IMMP2L: variants seen among roughly 807,000 people sequenced by gnomAD.
The protein encoded by IMMP2L is inner mitochondrial membrane peptidase subunit 2, also known as mitochondrial inner membrane protease subunit 2.
Under a neutral mutation model 19.3 loss-of-function variants are expected in IMMP2L, and 18 were observed. The ratio of observed to expected loss-of-function variants is 0.93; its 90% CI spans 0.64 to 1.38. The LOEUF (loss-of-function observed/expected upper bound fraction) is 1.38. Ranked by LOEUF, IMMP2L falls within the 40% of genes most tolerant of loss-of-function variation. IMMP2L has a pLI of 0.00. For missense variants in IMMP2L, 233 were observed against 218.2 expected (o/e 1.07, Z -0.43); for synonymous variants, 76 against 73.0 (o/e 1.04, Z -0.21).
chr7:110,797,103 T>C (rs560037392), intron 5 of IMMP2L, among the ~76,000 whole-genome samples: 2 of 152,092 alleles, frequency 1.3e-5, no homozygotes, highest in African/African-American at 4.8e-5. Flanking sequence ...GGAACTTTGA[T>C]TCTCAATTTA....
rs140959088 is a variant in IMMP2L at position 111,020,201 on chromosome 7, T to A, written c.240-56636A>T. Among the ~76,000 whole-genome samples the A allele has an allele frequency of 4.6e-3, 693 of 150,102 alleles. 7 individuals are homozygous for A. Among genetic ancestry groups the A allele is most frequent in the African/African-American group, 0.016 (639 of 40,728 alleles). On this transcript the variant is annotated intron_variant, in intron 3 of 5. Transcript: ENST00000405709. ...GAGTTCGAGACCAGCCTGGACAACA[T>A]AGTGAAACCTTGCCTCTACTACAAA...
At chr7:110,882,679 C>G (rs1218406067) in intron 5 of IMMP2L, among the ~76,000 whole-genome samples, 1 of 152,090 alleles carries the variant, frequency 6.6e-6, no homozygotes, top group Non-Finnish European at 1.5e-5. Flanking sequence ...CCATGCCCAG[C>G]TGTCAAGTGC....
At chr7:111,129,943 C>T (rs1255549032) in intron 3 of IMMP2L, among the ~76,000 whole-genome samples, 1 of 151,908 alleles carries the variant, frequency 6.6e-6, no homozygotes, top group Non-Finnish European at 1.5e-5. Context: ...AGATTATTTC[C>T]AAAATTTGGC....
intron 3 of IMMP2L, among the ~76,000 whole-genome samples, chr7:111,069,574 T>G (rs912501497): frequency 6.6e-6 from 1 of 152,218 alleles, no homozygotes; most frequent in African/African-American, 2.4e-5. Flanking sequence ...GACTGATTAC[T>G]ATAATGACAA....
intron 3 of IMMP2L, among the ~76,000 whole-genome samples, chr7:111,299,176 A>AC (rs1554436434): frequency 6.6e-6 from 1 of 152,306 alleles, no homozygotes; most frequent in East Asian, 1.9e-4. Context: ...TACAGTTAAA[A>AC]ACACACACAG....
intron 3 of IMMP2L, among the ~76,000 whole-genome samples, chr7:111,035,075 T>C (rs1373178782): frequency 1.3e-5 from 2 of 152,082 alleles, no homozygotes; most frequent in African/African-American, 4.8e-5. Flanking sequence ...AAACAGAATA[T>C]TAAAGAATCC....
At chr7:111,441,773 C>T (rs1837750438) in intron 3 of IMMP2L, among the ~76,000 whole-genome samples, 1 of 146,808 alleles carries the variant, frequency 6.8e-6, no homozygotes. Flanking sequence ...TGAGATGAAA[C>T]ACAATTTTTT....
At chr7:111,239,693 C>T (rs1359813871) in intron 3 of IMMP2L, among the ~76,000 whole-genome samples, 2 of 151,862 alleles carry the variant, frequency 1.3e-5, no homozygotes, top group African/African-American at 4.8e-5. Context: ...TTTTCAACTG[C>T]CTGTGTTTTA....
intron 5 of IMMP2L, among the ~76,000 whole-genome samples, chr7:110,720,188 C>T (rs1271100244): frequency 6.6e-6 from 1 of 152,036 alleles, no homozygotes; most frequent in Non-Finnish European, 1.5e-5. Context: ...AGCAAGAGAT[C>T]ACGAACAACA....
intron 5 of IMMP2L, among the ~76,000 whole-genome samples, chr7:110,716,770 AG>A (rs1795258494): frequency 6.6e-6 from 1 of 152,198 alleles, no homozygotes; most frequent in African/African-American, 2.4e-5. Flanking sequence ...AAAAGAGTGA[AG>A]GGTTGTCAGA....
At chr7:111,311,536 G>C (rs540722761) in intron 3 of IMMP2L, among the ~76,000 whole-genome samples, 18 of 152,008 alleles carry the variant, frequency 1.2e-4, no homozygotes, top group Non-Finnish European at 2.2e-4. Context: ...GATCACACTG[G>C]GGACAACTTG....
intron 3 of IMMP2L, among the ~76,000 whole-genome samples, chr7:111,234,495 G>T (rs1235525690): frequency 6.6e-6 from 1 of 151,988 alleles, no homozygotes; most frequent in Non-Finnish European, 1.5e-5. Flanking sequence ...TAAATGCTGG[G>T]TTTTATGCCT....
At chr7:111,000,045 G>T (rs1231217349) in intron 3 of IMMP2L, among the ~76,000 whole-genome samples, 1 of 152,110 alleles carries the variant, frequency 6.6e-6, no homozygotes, top group Non-Finnish European at 1.5e-5. Context: ...GATCCATTCT[G>T]ATTTTGTATG....
intron 3 of IMMP2L, among the ~76,000 whole-genome samples, chr7:111,325,183 A>G (rs1825179611): frequency 6.6e-6 from 1 of 151,804 alleles, no homozygotes; most frequent in Admixed American, 6.6e-5. Flanking sequence ...ATATGTTTTC[A>G]TAGCTGTATA....
At chr7:111,184,757 G>A (rs1334502384) in intron 3 of IMMP2L, among the ~76,000 whole-genome samples, 1 of 109,702 alleles carries the variant, frequency 9.1e-6, no homozygotes, top group Non-Finnish European at 2.0e-5. Flanking sequence ...ACTACCCATA[G>A]ATGTTTAAAA....
intron 3 of IMMP2L, among the ~76,000 whole-genome samples, chr7:111,240,837 C>T (rs1355437431): frequency 6.6e-6 from 1 of 151,878 alleles, no homozygotes; most frequent in African/African-American, 2.4e-5. Flanking sequence ...CACTCTAACC[C>T]CCATACTTAA....
chr7:111,306,985 TAG>T (rs995766851), intron 3 of IMMP2L, among the ~76,000 whole-genome samples: 485 of 148,100 alleles, frequency 3.3e-3, no homozygotes, highest in African/African-American at 5.8e-3. Flanking sequence ...ATATTCTATA[TAG>T]ATATATATTA....
At chr7:110,926,555 C>T (rs529596508) in intron 4 of IMMP2L, among the ~76,000 whole-genome samples, 5 of 152,042 alleles carry the variant, frequency 3.3e-5, no homozygotes, top group Non-Finnish European at 5.9e-5. Context: ...TTTTTTATTA[C>T]AATATACAAT....
intron 3 of IMMP2L, among the ~76,000 whole-genome samples, chr7:111,211,927 G>A (rs1011619947): frequency 6.6e-6 from 1 of 152,130 alleles, no homozygotes; most frequent in African/African-American, 2.4e-5. Flanking sequence ...AACCCAGGAG[G>A]CGGAGCTTGC....
Sources: allele counts gnomAD v4.1 joint callset (sites outside exome capture counted in the v4.1 genomes callset), GRCh38; gene constraint gnomAD v4.1.1; transcripts MANE v1.5; gene names NCBI Gene and HGNC (gene_info 2026-07-23, HGNC 2026-07-21).